PTCD3: variants seen among roughly 807,000 people sequenced by gnomAD.
PTCD3 encodes the protein small ribosomal subunit protein mS39.
Under a neutral mutation model 101.9 loss-of-function variants are expected in PTCD3, and 89 were observed. That is an observed-to-expected ratio of 0.87 (90% CI 0.74 to 1.04). PTCD3 has a LOEUF of 1.04. PTCD3 is among the 50% of genes least tolerant of loss of function. PTCD3 has a pLI of 0.00. For synonymous variants in PTCD3, 296 were observed against 278.5 expected (o/e 1.06, Z -0.63); for missense variants, 870 against 828.2 (o/e 1.05, Z -0.62).
chr2:86,123,828 C>A (rs1573853651), intron 9 of PTCD3, 66 bp downstream of exon 9: 1 of 1,038,672 alleles, frequency 9.6e-7, no homozygotes, highest in Non-Finnish European at 1.4e-6. Flanking sequence ...TGCCCCATCA[C>A]CCTGTGAAGA....
At chr2:86,123,041 T>C (rs1674319512) in intron 8 of PTCD3, among the ~76,000 whole-genome samples, 1 of 152,028 alleles carries the variant, frequency 6.6e-6, no homozygotes, top group African/African-American at 2.4e-5. Context: ...GGGTGGATCA[T>C]GAGGTCAGGA....
chr2:86,128,307 T>C (rs1471187853), intron 14 of PTCD3, among the ~76,000 whole-genome samples: 1 of 150,914 alleles, frequency 6.6e-6, no homozygotes, highest in African/African-American at 2.4e-5. Flanking sequence ...CCTAAAATTA[T>C]TCTTGAGGGT....
chr2:86,108,393 G>A lies in PTCD3; in HGVS notation c.148G>A (p.Asp50Asn), dbSNP rs761969391. The A allele has an allele frequency of 1.9e-6, 3 of 1,606,892 alleles. No individual in the cohort carries two copies. The highest frequency in any genetic ancestry group is 2.2e-5 in the East Asian group (1 of 44,778). The change falls in exon 2 of 24, where the codon GAT becomes AAT. Residue 50 changes from aspartate to asparagine, a missense_variant. By Grantham distance (23) the Asp-to-Asn change is conservative. Coordinates refer to ENST00000254630, the MANE Select transcript of PTCD3 (RefSeq NM_017952.6). ...AACCCTCTCAAAGGTTGAAGGAACT[G>A]ATGTAACAGGTATATTTTAAAATAT... ...SATLSKVEGT[D>N]VTGIEEVVIP...
intron 4 of PTCD3, among the ~76,000 whole-genome samples, chr2:86,115,457 T>G (rs1399025247): frequency 6.6e-6 from 1 of 152,090 alleles, no homozygotes; most frequent in East Asian, 1.9e-4. Context: ...AAACTGAAGT[T>G]CACAACAGGG....
rs771060358 is a variant in PTCD3, at chr2:86,118,937, A to G, written c.431A>G (p.Tyr144Cys). ...TTTTCCTAGTGTTTAATGCCTGAGT[A>G]CTTTGAACCTCAGATCAAAGACATA... ...EPHIPCLMPE[Y>C]FEPQIKDISE... Residue 144 changes from tyrosine (Y) to cysteine (C), a missense_variant, in exon 7 of 24, where the codon TAC (tyrosine) becomes TGC (cysteine). Transcript: ENST00000254630. The G allele has an allele frequency of 1.2e-6, 2 of 1,613,284 alleles. No homozygotes were observed. Among genetic ancestry groups the G allele is most frequent in the South Asian group, 2.2e-5 (2 of 91,012 alleles).
Position 86,134,874 on chromosome 2 carries a change from C to G in PTCD3, c.1665C>G (p.Ile555Met). Residue 555 changes from isoleucine to methionine, a missense_variant, in exon 21 of 24, where the codon ATC becomes ATG. Ile to Met is a conservative substitution (Grantham distance 10). Transcript: ENST00000254630. ...QVAFADCAAD[I>M]KSAYESQPIR... The stretch of plus-strand genomic sequence containing the variant: ...CATTTGCTGACTGTGCTGCTGATAT[C>G]AAATCTGCGTATGAAAGCCAACCCA... The G allele has an allele frequency of 6.2e-7, 1 of 1,614,156 alleles. No individual in the cohort carries two copies. Among genetic ancestry groups the G allele is most frequent in the South Asian group, 1.1e-5 (1 of 91,090 alleles).
At chr2:86,125,107 TC>T in intron 10 of PTCD3, 25 bp downstream of exon 10, 1 of 1,611,358 alleles carries the variant, frequency 6.2e-7, no homozygotes, top group Non-Finnish European at 8.5e-7. Flanking sequence ...TTTATTTTTG[TC>T]TTTCATTTCC....
chr2:86,111,459 G>A (rs538215942), intron 4 of PTCD3, among the ~76,000 whole-genome samples: 10 of 152,004 alleles, frequency 6.6e-5, no homozygotes, highest in African/African-American at 2.4e-4. Context: ...GTGGTGGCAG[G>A]CACCTGTAAT....
rs751192485 is a variant in PTCD3 at position 86,121,462 on chromosome 2, C to T, written c.539-17C>T. The T allele has an allele frequency of 2.0e-6, 3 of 1,481,328 alleles. No individual in the cohort carries two copies. Among genetic ancestry groups the T allele is most frequent in the Admixed American group, 4.1e-5 (2 of 48,444 alleles). 91.8% of individuals were successfully genotyped at this position (1,481,328 alleles called of 1,614,324 possible). Reference sequence around the variant, plus strand: ...ATTGTTTCAAGGTTTCTTTATCTTTCTGTCTCTTACCCACAGGAACCACTG... The same window carrying T: ...ATTGTTTCAAGGTTTCTTTATCTTTTTGTCTCTTACCCACAGGAACCACTG... On this transcript the variant is annotated splice_polypyrimidine_tract_variant and intron_variant, in intron 7 of 23. Transcript: ENST00000254630.
At position 86,108,413 on chromosome 2, in the gene PTCD3, A is replaced by G; in HGVS notation, c.157+11A>G. On this transcript the variant is annotated intron_variant, in intron 2 of 23. Transcript: ENST00000254630. The stretch of plus-strand genomic sequence containing the variant: ...GAACTGATGTAACAGGTATATTTTA[A>G]AATATATTGAATTCTATTTTTATAT... 6.2e-7 allele frequency: 1 copy of G among 1,601,072 alleles called. No individual in the cohort carries two copies. Among genetic ancestry groups the G allele is most frequent in the South Asian group, 1.1e-5 (1 of 88,428 alleles).
intron 19 of PTCD3, 46 bp downstream of exon 19, chr2:86,133,482 C>T: frequency 6.7e-7 from 1 of 1,490,128 alleles, no homozygotes; most frequent in Non-Finnish European, 9.3e-7. Context: ...ACCTCAATAT[C>T]CTCTACTTTG....
At position 86,118,978 on chromosome 2, in the gene PTCD3, A is replaced by C; in HGVS notation, c.472A>C (p.Lys158Gln). The stretch of plus-strand genomic sequence containing the variant: ...CAAAGACATAAGTGAAGCCGCCCTG[A>C]AGGAACGAATTGAGCTCAGAAAAGT... Reference protein sequence around the residue: ...QIKDISEAALKERIELRKVKA... With the variant: ...QIKDISEAALQERIELRKVKA... The change falls in exon 7 of 24, where the codon AAG becomes CAG. Residue 158 changes from lysine (K) to glutamine (Q), a missense_variant. Physicochemically the swap from Lys to Gln is moderately conservative, Grantham distance 53. Coordinates refer to ENST00000254630, the MANE Select transcript of PTCD3 (RefSeq NM_017952.6). The C allele has an allele frequency of 6.2e-7, 1 of 1,614,118 alleles. No homozygotes were observed. Among genetic ancestry groups the C allele is most frequent in the Admixed American group, 1.7e-5 (1 of 60,012 alleles).
rs547727110 is a variant in PTCD3, at chr2:86,107,836, T to A, written c.105-514T>A. 1.1e-3 allele frequency among the ~76,000 whole-genome samples: 163 copies of A among 152,316 alleles called. No individual in the cohort carries two copies. The Middle Eastern group carries it at 0.037, about 35-fold the overall frequency. On this transcript the variant is annotated intron_variant, in intron 1 of 23. Transcript: ENST00000254630. ...GTATAGAAGCAAGAGCTCACTGAAT[T>A]GTTCTTTTAAACATCATAGTGTTTT...
Position 86,137,198 on chromosome 2 carries a change from A to G in PTCD3, c.1979+58A>G. ...ATGGAGACCTTTCATCCATCTGCCC[A>G]TTCAAAATGTTCATAGCTTTCTATC... On this transcript the variant is annotated intron_variant, in intron 23 of 23. Transcript: ENST00000254630. 5 of 1,492,372 alleles carry G rather than the reference A, an allele frequency of 3.4e-6. No individual in the cohort carries two copies. In the South Asian group the frequency reaches 5.4e-5, roughly 16 times the overall value. The allele number at this position is 1,492,372 out of a possible 1,614,324, so 92.4% of individuals were successfully genotyped here.
chr2:86,128,253 G>A (rs1300430339), intron 14 of PTCD3, among the ~76,000 whole-genome samples: 1 of 147,208 alleles, frequency 6.8e-6, no homozygotes, highest in Admixed American at 6.9e-5. Flanking sequence ...CCACCAGCAT[G>A]CCTAGCTGAT....
intron 21 of PTCD3, 140 bp downstream of exon 21, chr2:86,135,127 C>A: frequency 1.0e-6 from 1 of 966,184 alleles, no homozygotes; most frequent in African/African-American, 1.6e-5. Context: ...AACTAAAAAG[C>A]AAACTTTTGG....
chr2:86,128,144 G>GT (rs34498888), intron 14 of PTCD3, among the ~76,000 whole-genome samples, 153 bp downstream of exon 14: 1 of 152,116 alleles, frequency 6.6e-6, no homozygotes, highest in South Asian at 2.1e-4. Context: ...GAAAGTTGTG[G>GT]TTTTTTTAGA....
At position 86,137,451 on chromosome 2, in the gene PTCD3, A is replaced by G; in HGVS notation, c.1980-18A>G. The G allele has an allele frequency of 6.2e-7, 1 of 1,613,442 alleles. No individual in the cohort carries two copies. Among genetic ancestry groups the G allele is most frequent in the Non-Finnish European group, 8.5e-7 (1 of 1,179,816 alleles). ...CAGTTGAATTGCAGTGTAATCCTCC[A>G]TTTTCTTTTCTTAACAGGGAAGCCC... On this transcript the variant is annotated intron_variant, in intron 23 of 23. Coordinates refer to ENST00000254630, the MANE Select transcript of PTCD3 (RefSeq NM_017952.6).
chr2:86,132,943 G>T, intron 17 of PTCD3: 1 of 529,670 alleles, frequency 1.9e-6, no homozygotes, highest in East Asian at 3.1e-5. Context: ...TATTCACCAT[G>T]ACCTAAGAGT....
Sources: gnomAD v4.1 joint callset for allele counts (sites outside exome capture counted in the v4.1 genomes callset) on GRCh38, gnomAD v4.1.1 for gene constraint, MANE v1.5 for transcripts, NCBI Gene and HGNC (gene_info 2026-07-23, HGNC 2026-07-21) for gene names.